LRP1B: variants seen among roughly 807,000 people sequenced by gnomAD.
The protein encoded by LRP1B is LDL receptor related protein 1B, also known as low-density lipoprotein receptor-related protein 1B.
LRP1B carries 217 observed loss-of-function variants against 556.6 expected under a neutral mutation model. The ratio of observed to expected loss-of-function variants is 0.39; its 90% confidence interval spans 0.35 to 0.44. The LOEUF (loss-of-function observed/expected upper bound fraction) is 0.44. LRP1B is among the 20% of genes least tolerant of loss of function. LRP1B has a pLI of 1.00. For missense variants in LRP1B, 5,053 were observed against 5,620.8 expected (o/e 0.90, Z 3.23); for synonymous variants, 2,047 against 1,865.8 (o/e 1.10, Z -2.50).
chr2:140,334,869 TCCA>T (rs1265068833), intron 78 of LRP1B, among the ~76,000 whole-genome samples: 1 of 152,026 alleles, frequency 6.6e-6, no homozygotes, highest in Non-Finnish European at 1.5e-5. Context: ...AAAAAATATT[TCCA>T]CCACATGAAA....
chr2:141,794,803 TAAAACTGTCCTCAGG>T (rs960241279), intron 2 of LRP1B, among the ~76,000 whole-genome samples: 9 of 152,068 alleles, frequency 5.9e-5, no homozygotes, highest in African/African-American at 2.2e-4. Flanking sequence ...GAATAATTCT[TAAAACTGTCCTCAGG>T]AAATTATATG....
intron 62 of LRP1B, among the ~76,000 whole-genome samples, chr2:140,455,595 ATTG>A (rs1246508738): frequency 6.6e-6 from 1 of 152,126 alleles, no homozygotes; most frequent in African/African-American, 2.4e-5. Context: ...AAAAGTTCTA[ATTG>A]TTGTTATTTA....
intron 3 of LRP1B, among the ~76,000 whole-genome samples, chr2:141,325,568 G>C (rs1039684939): frequency 6.6e-6 from 1 of 151,992 alleles, no homozygotes; most frequent in Non-Finnish European, 1.5e-5. Context: ...TAGGTTGATT[G>C]TCCTTAGCTG....
chr2:141,514,448 C>T (rs929894343), intron 2 of LRP1B, among the ~76,000 whole-genome samples: 1 of 152,138 alleles, frequency 6.6e-6, no homozygotes, highest in East Asian at 1.9e-4. Context: ...TCTGTTATTG[C>T]ATGTGTTTTG....
chr2:141,735,215 T>A (rs1693419807), intron 2 of LRP1B, among the ~76,000 whole-genome samples: 1 of 151,604 alleles, frequency 6.6e-6, no homozygotes, highest in Non-Finnish European at 1.5e-5. Context: ...GACACAAAAA[T>A]AGAAAGACAG....
At chr2:140,865,077 T>C (rs982428230) in intron 27 of LRP1B, among the ~76,000 whole-genome samples, 3 of 152,192 alleles carry the variant, frequency 2.0e-5, no homozygotes, top group South Asian at 4.1e-4. Context: ...CTCCTTCATA[T>C]TGCATATGTT....
At chr2:140,368,428 A>G (rs191609580) in intron 71 of LRP1B, among the ~76,000 whole-genome samples, 1 of 151,902 alleles carries the variant, frequency 6.6e-6, no homozygotes, top group Admixed American at 6.6e-5. Flanking sequence ...TATTTGACTA[A>G]CACATTGTTG....
At chr2:141,105,528 G>A (rs1700582363) in intron 7 of LRP1B, among the ~76,000 whole-genome samples, 1 of 152,080 alleles carries the variant, frequency 6.6e-6, no homozygotes, top group African/African-American at 2.4e-5. Flanking sequence ...TCTGTTATAA[G>A]ACGGAGAAAG....
chr2:141,229,735 T>C (rs976611358), intron 5 of LRP1B, among the ~76,000 whole-genome samples: 2 of 152,190 alleles, frequency 1.3e-5, no homozygotes, highest in South Asian at 4.1e-4. Context: ...GTGGTGTGAA[T>C]TGTTTTTCTA....
At chr2:140,829,537 G>A (rs891609505) in intron 31 of LRP1B, among the ~76,000 whole-genome samples, 4 of 152,044 alleles carry the variant, frequency 2.6e-5, no homozygotes, top group Admixed American at 1.3e-4. Context: ...TAATCAATGG[G>A]TCAATGAAGA....
At chr2:141,302,254 T>A (rs187412364) in intron 3 of LRP1B, among the ~76,000 whole-genome samples, 1 of 152,192 alleles carries the variant, frequency 6.6e-6, no homozygotes, top group African/African-American at 2.4e-5. Context: ...TACAAAAGAC[T>A]AGTTAACTCA....
At chr2:141,081,951 C>T (rs1333759248) in intron 7 of LRP1B, among the ~76,000 whole-genome samples, 2 of 151,904 alleles carry the variant, frequency 1.3e-5, no homozygotes, top group African/African-American at 4.8e-5. Flanking sequence ...AAAAGGTTAC[C>T]AATAGATACA....
intron 66 of LRP1B, among the ~76,000 whole-genome samples, chr2:140,394,383 C>T (rs1168083108): frequency 6.6e-6 from 1 of 152,008 alleles, no homozygotes; most frequent in Admixed American, 6.6e-5. Flanking sequence ...TATGCTTTTA[C>T]ATTAGAGAGG....
chr2:141,184,250 G>A (rs1249426), intron 7 of LRP1B, among the ~76,000 whole-genome samples: 51,149 of 151,854 alleles, frequency 0.34, 9,142 homozygotes, highest in East Asian at 0.68. Context: ...TTAGAATAAG[G>A]TTGTTCCTCT....
In LRP1B at chr2:141,995,118, T is replaced by C. The variant is rs1479860801; in HGVS notation, c.82+135530A>G. Among the ~76,000 whole-genome samples the C allele has an allele frequency of 2.0e-5, 3 of 152,250 alleles. No individual in the cohort carries two copies. In the East Asian group the frequency reaches 5.8e-4, roughly 29 times the overall value. ...ATAATAATAGCATATTAGTTTTCTATTGCTGCTATTTAAAAATTGCCATAA... is the reference window on the plus strand; with the variant it reads ...ATAATAATAGCATATTAGTTTTCTACTGCTGCTATTTAAAAATTGCCATAA... On this transcript the variant is annotated intron_variant, in intron 1 of 90. Transcript: ENST00000389484.
In LRP1B at chr2:140,917,475, A is replaced by C. The variant is rs1379101935; in HGVS notation, c.3319+5490T>G. 2.0e-5 allele frequency among the ~76,000 whole-genome samples: 3 copies of C among 152,200 alleles called. No individual in the cohort carries two copies. In the East Asian group the frequency reaches 5.8e-4, roughly 29 times the overall value. On this transcript the variant is annotated intron_variant, in intron 21 of 90. Transcript: ENST00000389484. Reference sequence around the variant, plus strand: ...TGTCCTTCAGTGGGTAAACAGATTAAAAAATTGTGGCACAATGGAATATTA... The same window carrying C: ...TGTCCTTCAGTGGGTAAACAGATTACAAAATTGTGGCACAATGGAATATTA...
At chr2:142,123,355 A>C in intron 1 of LRP1B, among the ~76,000 whole-genome samples, 1 of 152,060 alleles carries the variant, frequency 6.6e-6, no homozygotes, top group Non-Finnish European at 1.5e-5. Context: ...AGTCTTGGAA[A>C]TCTTGAAGGA....
intron 41 of LRP1B, among the ~76,000 whole-genome samples, chr2:140,625,479 C>T (rs546242766): frequency 6.6e-6 from 1 of 152,160 alleles, no homozygotes; most frequent in South Asian, 2.1e-4. Context: ...GCAAAACATG[C>T]ATCTAATGAA....
intron 7 of LRP1B, among the ~76,000 whole-genome samples, chr2:141,136,358 A>C (rs966084804): frequency 7.2e-5 from 11 of 151,882 alleles, no homozygotes; most frequent in Non-Finnish European, 1.0e-4. Context: ...TATGAATTGC[A>C]AAGTTTGCAT....
Sources: allele counts gnomAD v4.1 joint callset (sites outside exome capture counted in the v4.1 genomes callset), GRCh38; gene constraint gnomAD v4.1.1; transcripts MANE v1.5; gene names NCBI Gene and HGNC (gene_info 2026-07-23, HGNC 2026-07-21).